The following CACNG5 variants were observed in gnomAD, a reference collection of about 807,000 sequenced individuals.
The protein encoded by CACNG5 is calcium voltage-gated channel auxiliary subunit gamma 5.
In CACNG5, 18 loss-of-function variants were observed where a neutral mutation model predicts 24.8. The ratio of observed to expected loss-of-function variants is 0.73; its 90% CI spans 0.50 to 1.08. The LOEUF (loss-of-function observed/expected upper bound fraction) is 1.08. CACNG5 is among the 50% of genes least tolerant of loss of function. The pLI is 0.00. For synonymous variants in CACNG5, 157 were observed against 149.1 expected (o/e 1.05, Z -0.39); for missense variants, 349 against 367.9 (o/e 0.95, Z 0.42).
chr17:66,849,043 G>A (rs529352630), intron 1 of CACNG5, among the ~76,000 whole-genome samples: 2 of 152,310 alleles, frequency 1.3e-5, no homozygotes, highest in Non-Finnish European at 2.9e-5. Flanking sequence ...GAGCCGGGAG[G>A]CCATGGCTGC....
intron 1 of CACNG5, among the ~76,000 whole-genome samples, chr17:66,867,718 T>G (rs754900380): frequency 1.3e-5 from 2 of 152,230 alleles, no homozygotes; most frequent in Non-Finnish European, 2.9e-5. Context: ...CACTGTTTAT[T>G]AAATAGGGAA....
chr17:66,843,807 TGG>T (rs1300000533), intron 1 of CACNG5, among the ~76,000 whole-genome samples: 1 of 151,682 alleles, frequency 6.6e-6, no homozygotes, highest in Non-Finnish European at 1.5e-5. Context: ...TGGTCCTGGG[TGG>T]GGGGAGGCAG....
intron 1 of CACNG5, among the ~76,000 whole-genome samples, chr17:66,850,597 C>CATAT (rs570695903): frequency 1.4e-5 from 2 of 140,910 alleles, no homozygotes; most frequent in African/African-American, 5.8e-5. Context: ...TACACAAATA[C>CATAT]ATACACACAC....
intron 2 of CACNG5, 26 bp downstream of exon 2, chr17:66,877,554 G>A (rs1320461588): frequency 6.3e-7 from 1 of 1,594,976 alleles, no homozygotes; most frequent in South Asian, 1.1e-5. Context: ...GTTGGGGACA[G>A]CCCTGCCCCC....
At chr17:66,869,048 G>A (rs1010772461) in intron 1 of CACNG5, among the ~76,000 whole-genome samples, 4 of 152,040 alleles carry the variant, frequency 2.6e-5, no homozygotes, top group Admixed American at 1.3e-4. Flanking sequence ...GTTGTTTATC[G>A]CTCTTTGGGT....
chr17:66,877,608 C>A, intron 2 of CACNG5, 80 bp downstream of exon 2: 1 of 1,204,736 alleles, frequency 8.3e-7, no homozygotes, highest in Non-Finnish European at 1.2e-6. Context: ...GAAGAGATGG[C>A]CAAGAGATGC....
rs555323056 is a variant in CACNG5, at chr17:66,885,549, G to C, written c.*309G>C. ...GCTCCCCCCAAGCCCAGGAGACACC[G>C]ATGTTCCCTTTGTATATTCTTCCTG... On this transcript the variant is annotated 3_prime_UTR_variant, in exon 6 of 6. Transcript: ENST00000533854. The C allele has an allele frequency of 2.7e-6, 1 of 370,938 alleles. No individual in the cohort carries two copies. Among genetic ancestry groups the C allele is most frequent in the African/African-American group, 2.1e-5 (1 of 48,736 alleles). The allele number at this position is 370,938 out of a possible 1,614,324, so 23.0% of individuals were successfully genotyped here.
At chr17:66,867,116 G>A (rs1053949183) in intron 1 of CACNG5, among the ~76,000 whole-genome samples, 4 of 152,042 alleles carry the variant, frequency 2.6e-5, no homozygotes, top group African/African-American at 9.7e-5. Flanking sequence ...TTTCTACATA[G>A]CCTTGCCAGC....
intron 1 of CACNG5, among the ~76,000 whole-genome samples, chr17:66,853,960 A>C (rs888973539): frequency 1.3e-5 from 2 of 152,164 alleles, no homozygotes; most frequent in African/African-American, 4.8e-5. Flanking sequence ...TCAGAATTAG[A>C]ATGAAAAACT....
intron 1 of CACNG5, among the ~76,000 whole-genome samples, chr17:66,842,368 T>G (rs1976582006): frequency 6.6e-6 from 1 of 152,062 alleles, no homozygotes; most frequent in South Asian, 2.1e-4. Context: ...TCAGGAGGGT[T>G]TGTGGTTGTT....
In CACNG5 at chr17:66,890,526, C is replaced by G. The variant is rs1977328366; in HGVS notation, c.*5286C>G. Among the ~76,000 whole-genome samples, 1 of 152,214 alleles carries G rather than the reference C, an allele frequency of 6.6e-6. No homozygotes were observed. Among genetic ancestry groups the G allele is most frequent in the Non-Finnish European group, 1.5e-5 (1 of 68,024 alleles). On this transcript the variant is annotated 3_prime_UTR_variant, in exon 6 of 6. Transcript: ENST00000533854. ...CTCTGCTCTGTGACCTTGGACATATCACATCCTTCTGGGCCTGCCTCCACC... is the reference window on the plus strand; with the variant it reads ...CTCTGCTCTGTGACCTTGGACATATGACATCCTTCTGGGCCTGCCTCCACC...
rs73994666 is a variant in CACNG5 at position 66,886,265 on chromosome 17, G to A, written c.*1025G>A. 1.3e-5 allele frequency among the ~76,000 whole-genome samples: 2 copies of A among 152,202 alleles called. No individual in the cohort carries two copies. The highest frequency in any genetic ancestry group is 2.9e-5 in the Non-Finnish European group (2 of 68,028). The stretch of plus-strand genomic sequence containing the variant: ...TGAGGACACCTGGTGCAGCTTGAGT[G>A]CAAACAAAGGCAGACTTGGAATAAT... On this transcript the variant is annotated 3_prime_UTR_variant, in exon 6 of 6. Coordinates refer to ENST00000533854, the MANE Select transcript of CACNG5 (RefSeq NM_145811.3).
chr17:66,858,489 C>T (rs1283979168), intron 1 of CACNG5, among the ~76,000 whole-genome samples: 1 of 152,186 alleles, frequency 6.6e-6, no homozygotes, highest in African/African-American at 2.4e-5. Flanking sequence ...CCTCCCCCAC[C>T]CGCCACGCTC....
chr17:66,848,137 A>T (rs1976662944), intron 1 of CACNG5, among the ~76,000 whole-genome samples: 1 of 152,186 alleles, frequency 6.6e-6, no homozygotes, highest in African/African-American at 2.4e-5. Context: ...GACTGCCGGT[A>T]GCAGGGGTCT....
In CACNG5 at chr17:66,893,170, T is replaced by A. The variant is rs1977368306; in HGVS notation, c.*7930T>A. On this transcript the variant is annotated 3_prime_UTR_variant, in exon 6 of 6. Coordinates refer to ENST00000533854, the MANE Select transcript of CACNG5 (RefSeq NM_145811.3). Reference sequence around the variant, plus strand: ...TTGCACTGCTCTGCTCTGCAAGTCCTGTTTCAAGTGCACCCCCAAGAGCAT... The same window carrying A: ...TTGCACTGCTCTGCTCTGCAAGTCCAGTTTCAAGTGCACCCCCAAGAGCAT... Among the ~76,000 whole-genome samples, 1 of 152,208 alleles carries A rather than the reference T, an allele frequency of 6.6e-6. No homozygotes were observed. Among genetic ancestry groups the A allele is most frequent in the Non-Finnish European group, 1.5e-5 (1 of 68,038 alleles).
chr17:66,890,266 A>C lies in CACNG5; in HGVS notation c.*5026A>C, dbSNP rs1439796682. On this transcript the variant is annotated 3_prime_UTR_variant, in exon 6 of 6. Coordinates refer to ENST00000533854, the MANE Select transcript of CACNG5 (RefSeq NM_145811.3). ...GCTCCAGTGTGCCATAGAAGAGACG[A>C]GGCTCAGTGGTCACCACTACAGGGG... Among the ~76,000 whole-genome samples the C allele has an allele frequency of 6.6e-6, 1 of 152,168 alleles. No individual in the cohort carries two copies. Among genetic ancestry groups the C allele is most frequent in the Non-Finnish European group, 1.5e-5 (1 of 68,022 alleles).
At position 66,885,557 on chromosome 17, in the gene CACNG5, C is replaced by A; in HGVS notation, c.*317C>A. 1 of 341,114 alleles carries A rather than the reference C, an allele frequency of 2.9e-6. No homozygotes were observed. Among genetic ancestry groups the A allele is most frequent in the Non-Finnish European group, 5.3e-6 (1 of 187,704 alleles). The allele number at this position is 341,114 out of a possible 1,614,324, so 21.1% of individuals were successfully genotyped here. On this transcript the variant is annotated 3_prime_UTR_variant, in exon 6 of 6. Transcript: ENST00000533854. ...CAAGCCCAGGAGACACCGATGTTCC[C>A]TTTGTATATTCTTCCTGCACCCCCC...
At chr17:66,865,487 C>T (rs1976916201) in intron 1 of CACNG5, among the ~76,000 whole-genome samples, 1 of 152,038 alleles carries the variant, frequency 6.6e-6, no homozygotes, top group Non-Finnish European at 1.5e-5. Flanking sequence ...AGCCCAGGTT[C>T]CAAATTCTCA....
At chr17:66,861,663 C>A (rs114420054) in intron 1 of CACNG5, among the ~76,000 whole-genome samples, 2,878 of 152,250 alleles carry the variant, frequency 0.019, 98 homozygotes, top group African/African-American at 0.063. Context: ...CAAGTCTGAA[C>A]ATTGTTTCTG....
Sources: gnomAD v4.1 joint callset for allele counts (sites outside exome capture counted in the v4.1 genomes callset) on GRCh38, gnomAD v4.1.1 for gene constraint, MANE v1.5 for transcripts, NCBI Gene and HGNC (gene_info 2026-07-23, HGNC 2026-07-21) for gene names.